KIF5C: variants seen among roughly 807,000 people sequenced by gnomAD.
The protein encoded by KIF5C is kinesin family member 5C.
A neutral mutation model predicts 125.2 loss-of-function variants in KIF5C; 18 were observed. The ratio of observed to expected loss-of-function variants is 0.14; its 90% CI spans 0.10 to 0.21. The LOEUF is 0.21. Among genes scored for constraint, KIF5C ranks in the 10% least tolerant of loss-of-function variants. The probability of loss-of-function intolerance (pLI) is 1.00; values close to 1 mark genes in which losing one functional copy is unlikely to be tolerated. For synonymous variants in KIF5C, 405 were observed against 434.0 expected (o/e 0.93, Z 0.83); for missense variants, 780 against 1,183.8 (o/e 0.66, Z 5.01).
chr2:149,001,787 C>T (rs115684333), intron 21 of KIF5C, among the ~76,000 whole-genome samples: 2 of 152,300 alleles, frequency 1.3e-5, no homozygotes, highest in Admixed American at 6.5e-5. Flanking sequence ...AGAGAGAAAC[C>T]GTTGGTTAGA....
intron 8 of KIF5C, among the ~76,000 whole-genome samples, chr2:148,948,312 G>A (rs1156392326): frequency 3.3e-5 from 5 of 150,736 alleles, no homozygotes; most frequent in Non-Finnish European, 3.0e-5. Flanking sequence ...AGCCGAGATC[G>A]TGCCACTGCA....
At chr2:148,897,262 ACT>A (rs1472267810) in intron 1 of KIF5C, among the ~76,000 whole-genome samples, 6 of 152,166 alleles carry the variant, frequency 3.9e-5, no homozygotes, top group Non-Finnish European at 8.8e-5. Flanking sequence ...TTTCTATTCT[ACT>A]CTGTCTCATT....
chr2:148,976,998 C>T (rs1476931473), intron 12 of KIF5C, among the ~76,000 whole-genome samples: 1 of 152,180 alleles, frequency 6.6e-6, no homozygotes, highest in African/African-American at 2.4e-5. Context: ...CGTGCTTATG[C>T]ATGTTCTAAG....
chr2:149,020,867 A>G lies in KIF5C; in HGVS notation c.*8-2211A>G, dbSNP rs149044706. ...AGGTTTTTCACTTCTAATTCTGGCA[A>G]TAAGCCCAAAATTTCACCAGAAAGG... On this transcript the variant is annotated intron_variant, in intron 25 of 25. Coordinates refer to ENST00000435030, the MANE Select transcript of KIF5C (RefSeq NM_004522.3). Among the ~76,000 whole-genome samples the G allele has an allele frequency of 2.5e-3, 376 of 152,350 alleles. 2 individuals are homozygous for G. The highest frequency in any genetic ancestry group is 2.2e-3 in the Non-Finnish European group (153 of 68,040).
chr2:148,940,804 C>T (rs541932016), intron 4 of KIF5C, among the ~76,000 whole-genome samples: 4 of 152,218 alleles, frequency 2.6e-5, no homozygotes, highest in East Asian at 1.9e-4. Flanking sequence ...ACAATTGAGG[C>T]CTAGGGTCTT....
intron 1 of KIF5C, among the ~76,000 whole-genome samples, chr2:148,898,326 G>A (rs1247201933): frequency 6.6e-6 from 1 of 152,204 alleles, no homozygotes; most frequent in African/African-American, 2.4e-5. Flanking sequence ...AGAGGCCACA[G>A]AGCCCTGAAC....
Position 148,875,575 on chromosome 2 carries a change from G to GGCCCCCCCCCCCCCCCCCGCCCCC in KIF5C, c.-43_-42insGCCCCCCCCCCCCCCCCCGCCCCC. Reference sequence around the variant, plus strand: ...TCCTCCCTCGTCGTTCCCGGCCCCGGCCCCCCACCCATCCCCGTGCCCCCT... The same window carrying GGCCCCCCCCCCCCCCCCCGCCCCC: ...TCCTCCCTCGTCGTTCCCGGCCCCGGGCCCCCCCCCCCCCCCCCGCCCCCCCCCCCACCCATCCCCGTGCCCCCT... On this transcript the variant is annotated 5_prime_UTR_variant, in exon 1 of 26. Transcript: ENST00000435030. 1.4e-6 allele frequency: 1 copy of GGCCCCCCCCCCCCCCCCCGCCCCC among 699,602 alleles called. No individual in the cohort carries two copies. The highest frequency in any genetic ancestry group is 2.6e-6 in the Non-Finnish European group (1 of 389,226). 43.3% of individuals were successfully genotyped at this position (699,602 alleles called of 1,614,324 possible).
chr2:148,929,315 G>C lies in KIF5C; in HGVS notation c.252G>C (p.Ala84=). ...VLEGYNGTIF[A]YGQTSSGKTH... is the part of the protein sequence containing the mutation. Reference sequence around the variant, plus strand: ...AAGGTTATAACGGGACGATTTTTGCGTATGGGCAGACTTCATCAGGAAAAA... The same window carrying C: ...AAGGTTATAACGGGACGATTTTTGCCTATGGGCAGACTTCATCAGGAAAAA... Residue 84 remains alanine (A), a synonymous_variant, in exon 3 of 26, where the codon GCG becomes GCC. Coordinates refer to ENST00000435030, the MANE Select transcript of KIF5C (RefSeq NM_004522.3). The C allele has an allele frequency of 1.3e-6, 2 of 1,536,356 alleles. No homozygotes were observed. Among genetic ancestry groups the C allele is most frequent in the Non-Finnish European group, 1.7e-6 (2 of 1,146,216 alleles).
chr2:148,989,644 A>G (rs1333301552), intron 15 of KIF5C, among the ~76,000 whole-genome samples: 1 of 152,162 alleles, frequency 6.6e-6, no homozygotes, highest in East Asian at 1.9e-4. Flanking sequence ...CCATGCCAAC[A>G]TCTATTTTTT....
intron 1 of KIF5C, chr2:148,879,446 A>G (rs1054866269): frequency 2.6e-5 from 4 of 151,902 alleles, no homozygotes; most frequent in African/African-American, 9.7e-5. Flanking sequence ...GTAAGATAGC[A>G]TATATAATAC....
rs1414983532 is a variant in KIF5C, at chr2:148,927,921, C to T, written c.218-1360C>T. 3.9e-5 allele frequency among the ~76,000 whole-genome samples: 6 copies of T among 151,998 alleles called. No individual in the cohort carries two copies. In the East Asian group the frequency reaches 9.6e-4, roughly 24 times the overall value. ...CTCTCTCCCTGTCCCTCCTCTCCCA[C>T]CAACCCCCAATATAGCTTGATACAA... On this transcript the variant is annotated intron_variant, in intron 2 of 25. Coordinates refer to ENST00000435030, the MANE Select transcript of KIF5C (RefSeq NM_004522.3).
At chr2:148,989,323 GTAT>G (rs1681462879) in intron 15 of KIF5C, among the ~76,000 whole-genome samples, 1 of 148,750 alleles carries the variant, frequency 6.7e-6, no homozygotes, top group South Asian at 2.2e-4. Context: ...TGGCTGGGTA[GTAT>G]TCCATGATTT....
At chr2:148,915,541 A>G (rs1681511063) in intron 1 of KIF5C, among the ~76,000 whole-genome samples, 1 of 152,218 alleles carries the variant, frequency 6.6e-6, no homozygotes. Context: ...AATTTTAGCA[A>G]GGATTTCAAT....
At chr2:148,900,106 A>G (rs1680836301) in intron 1 of KIF5C, among the ~76,000 whole-genome samples, 1 of 151,922 alleles carries the variant, frequency 6.6e-6, no homozygotes, top group African/African-American at 2.4e-5. Context: ...TTGGAAAGCT[A>G]TTTTGCTGAT....
intron 1 of KIF5C, among the ~76,000 whole-genome samples, chr2:148,907,581 A>G (rs1342051188): frequency 6.6e-6 from 1 of 152,212 alleles, no homozygotes; most frequent in African/African-American, 2.4e-5. Context: ...AGCAAATCTA[A>G]TCTAGGAAGA....
intron 14 of KIF5C, among the ~76,000 whole-genome samples, chr2:148,982,852 C>T (rs1385139856): frequency 9.2e-5 from 14 of 152,058 alleles, no homozygotes; most frequent in Non-Finnish European, 1.8e-4. Context: ...TATTATTAGA[C>T]AGATTGTTTA....
chr2:148,967,811 T>C (rs1267092437), intron 11 of KIF5C, among the ~76,000 whole-genome samples: 1 of 152,164 alleles, frequency 6.6e-6, no homozygotes, highest in Non-Finnish European at 1.5e-5. Context: ...TTTTTAAAGC[T>C]CTATTGCTTT....
chr2:148,937,201 AG>A, intron 3 of KIF5C, 82 bp from the exon 4 acceptor site: 1 of 1,509,874 alleles, frequency 6.6e-7, no homozygotes, highest in Non-Finnish European at 8.9e-7. Flanking sequence ...GTTCTGTCTG[AG>A]GAACCCAGAG....
intron 25 of KIF5C, among the ~76,000 whole-genome samples, chr2:149,018,380 A>G (rs77135677): frequency 0.018 from 2,674 of 152,320 alleles, 37 homozygotes; most frequent in Non-Finnish European, 0.028. Context: ...TGTTGTCCTC[A>G]TCACCTGATC....
Sources: allele counts gnomAD v4.1 joint callset (sites outside exome capture counted in the v4.1 genomes callset), GRCh38; gene constraint gnomAD v4.1.1; transcripts MANE v1.5; gene names NCBI Gene and HGNC (gene_info 2026-07-23, HGNC 2026-07-21).